The following PEPD variants were observed in gnomAD, a reference collection of about 807,000 sequenced individuals.
PEPD encodes xaa-Pro dipeptidase.
PEPD carries 53 observed loss-of-function variants against 60.7 expected under a neutral mutation model. The observed-to-expected ratio is 0.87, with a 90% CI of 0.70 to 1.10. The LOEUF (loss-of-function observed/expected upper bound fraction) is 1.10. PEPD is among the 50% of genes least tolerant of loss of function. The pLI, the probability that PEPD is intolerant of heterozygous loss-of-function variation, is 0.00. For missense variants in PEPD, 711 were observed against 711.9 expected (o/e 1.00, Z 0.01); for synonymous variants, 267 against 284.1 (o/e 0.94, Z 0.60).
Position 33,452,328 on chromosome 19 carries a change from C to T in PEPD, c.671+10667G>A, listed in dbSNP as rs1284976106. ...AAGGCAGTATTCAAAAATAAACTAG[C>T]CAAAATCTATTTATTACTAAAGAGG... On this transcript the variant is annotated intron_variant, in intron 9 of 14. Coordinates refer to ENST00000244137, the MANE Select transcript of PEPD (RefSeq NM_000285.4). 4.0e-5 allele frequency among the ~76,000 whole-genome samples: 6 copies of T among 151,786 alleles called. No individual in the cohort carries two copies. The East Asian group carries it at 1.2e-3, about 29-fold the overall frequency.
At chr19:33,504,082 A>G (rs1286227206) in intron 3 of PEPD, among the ~76,000 whole-genome samples, 1 of 152,202 alleles carries the variant, frequency 6.6e-6, no homozygotes, top group African/African-American at 2.4e-5. Context: ...TTTTCTGGCA[A>G]CTGTGCATTG....
intron 9 of PEPD, among the ~76,000 whole-genome samples, chr19:33,417,734 C>T (rs1391446692): frequency 6.6e-6 from 1 of 152,188 alleles, no homozygotes; most frequent in Admixed American, 6.5e-5. Flanking sequence ...ATGGGGATCC[C>T]TCCTCAGGCA....
chr19:33,429,071 T>C (rs1454113129), intron 9 of PEPD, among the ~76,000 whole-genome samples: 1 of 152,202 alleles, frequency 6.6e-6, no homozygotes, highest in African/African-American at 2.4e-5. Flanking sequence ...AAGAGGAATA[T>C]GAAATGACAT....
intron 6 of PEPD, among the ~76,000 whole-genome samples, chr19:33,478,615 T>A (rs7248219): frequency 0.42 from 63,716 of 151,882 alleles, 14,178 homozygotes; most frequent in African/African-American, 0.57. Context: ...AATTAGATTA[T>A]TAGCTGATTT....
intron 9 of PEPD, among the ~76,000 whole-genome samples, chr19:33,425,067 GA>G (rs1969111637): frequency 6.6e-6 from 1 of 151,968 alleles, no homozygotes; most frequent in Non-Finnish European, 1.5e-5. Flanking sequence ...ACATGACCAG[GA>G]AACAAAAAGA....
chr19:33,468,174 C>T (rs144977821), intron 7 of PEPD, among the ~76,000 whole-genome samples: 8 of 152,302 alleles, frequency 5.3e-5, no homozygotes, highest in Non-Finnish European at 8.8e-5. Flanking sequence ...AGTCCCTCTG[C>T]ACAAGGCAGA....
At chr19:33,446,629 G>GA (rs1391072390) in intron 9 of PEPD, among the ~76,000 whole-genome samples, 1 of 152,244 alleles carries the variant, frequency 6.6e-6, no homozygotes, top group Non-Finnish European at 1.5e-5. Flanking sequence ...TGTTTGCACA[G>GA]TGCATCCAGG....
intron 12 of PEPD, among the ~76,000 whole-genome samples, chr19:33,392,430 C>T (rs1213703025): frequency 2.0e-5 from 3 of 152,250 alleles, no homozygotes; most frequent in Non-Finnish European, 4.4e-5. Context: ...TTGGCTTGAG[C>T]ACCAGATAAG....
At chr19:33,458,797 T>G (rs1350805605) in intron 9 of PEPD, among the ~76,000 whole-genome samples, 2 of 924 alleles carry the variant, frequency 2.2e-3, no homozygotes, top group East Asian at 0.028. Context: ...GTGTGTGTGG[T>G]ATAGGGCATG....
chr19:33,397,550 G>A (rs1968393944), intron 12 of PEPD, among the ~76,000 whole-genome samples: 1 of 151,992 alleles, frequency 6.6e-6, no homozygotes. Context: ...TCCAGATGGA[G>A]TCCGACTCTG....
intron 1 of PEPD, among the ~76,000 whole-genome samples, chr19:33,517,522 G>A (rs913100885): frequency 2.0e-5 from 3 of 148,626 alleles, no homozygotes; most frequent in East Asian, 2.0e-4. Context: ...TCAAGCCACC[G>A]CACTCCAGCC....
intron 1 of PEPD, among the ~76,000 whole-genome samples, chr19:33,515,723 T>C (rs1004421210): frequency 6.9e-6 from 1 of 145,790 alleles, no homozygotes; most frequent in Non-Finnish European, 1.5e-5. Context: ...CGGCCGAAAA[T>C]GCCCATCCTC....
Position 33,478,065 on chromosome 19 carries a change from G to A in PEPD, c.529C>T (p.His177Tyr). 6.2e-7 allele frequency: 1 copy of A among 1,611,272 alleles called. No individual in the cohort carries two copies. Reference protein sequence around the residue: ...SKFEVNNTILHPEIVECRVFK... With the variant: ...SKFEVNNTILYPEIVECRVFK... ...ACTCACCACTCAACGATCTCTGGGT[G>A]AAGAATGGTATTGTTGACTTCGAAC... is the stretch of plus-strand genomic sequence containing the variant. The change falls in exon 7 of 15, where the codon CAC (histidine) becomes TAC (tyrosine). Residue 177 changes from histidine (H) to tyrosine (Y), a missense_variant. His to Tyr is a moderately conservative substitution (Grantham distance 83). Transcript: ENST00000244137.
intron 9 of PEPD, among the ~76,000 whole-genome samples, chr19:33,417,321 G>A (rs890245335): frequency 1.3e-5 from 2 of 152,170 alleles, no homozygotes; most frequent in Admixed American, 1.3e-4. Context: ...GTGAAAATGC[G>A]CAGAGCTGGT....
rs935314382 is a variant in PEPD, at chr19:33,521,600, G to C, written c.17+144C>G. 52 of 894,036 alleles carry C rather than the reference G, an allele frequency of 5.8e-5. No homozygotes were observed. The East Asian group carries it at 1.4e-3, about 23-fold the overall frequency. The allele number at this position is 894,036 out of a possible 1,614,324, so 55.4% of individuals were successfully genotyped here. ...CTCGGAGCGTGCAGCTCGCCGACCG[G>C]CGCTGGGACTCCGGGCCAACGGGAA... On this transcript the variant is annotated intron_variant, in intron 1 of 14. Transcript: ENST00000244137.
chr19:33,401,684 C>T lies in PEPD; in HGVS notation c.967+37G>A, dbSNP rs758949275. 1.8e-5 allele frequency: 28 copies of T among 1,587,940 alleles called. No homozygotes were observed. The East Asian group carries it at 2.3e-4, about 13-fold the overall frequency. On this transcript the variant is annotated intron_variant, in intron 12 of 14. Coordinates refer to ENST00000244137, the MANE Select transcript of PEPD (RefSeq NM_000285.4). ...CCACATAGCAGCGCCCCCAACGCCA[C>T]GTCAGATGCGCCTCCCCCCACCGAC...
intron 6 of PEPD, among the ~76,000 whole-genome samples, chr19:33,487,955 G>GC (rs1223920456): frequency 1.3e-5 from 2 of 151,898 alleles, no homozygotes; most frequent in African/African-American, 4.8e-5. Flanking sequence ...GAAGCCCAGG[G>GC]CCCCACCTGC....
rs535688413 is a variant in PEPD, at chr19:33,390,123, T to G, written c.1152+1172A>C. ...GCAGGCCTGAAATAAAACAAATGAC[T>G]TTTATAGGAAAAGCCATATTTTTTC... On this transcript the variant is annotated intron_variant, in intron 13 of 14. Coordinates refer to ENST00000244137, the MANE Select transcript of PEPD (RefSeq NM_000285.4). Among the ~76,000 whole-genome samples, 138 of 152,352 alleles carry G rather than the reference T, an allele frequency of 9.1e-4. 1 individual carries two copies. The highest frequency in any genetic ancestry group is 3.7e-3 in the South Asian group (18 of 4,824).
At chr19:33,394,857 C>T (rs1968325258) in intron 12 of PEPD, among the ~76,000 whole-genome samples, 1 of 152,222 alleles carries the variant, frequency 6.6e-6, no homozygotes, top group African/African-American at 2.4e-5. Flanking sequence ...AGCACCAAAC[C>T]TCATTCTGGC....
Sources: gnomAD v4.1 joint callset for allele counts (sites outside exome capture counted in the v4.1 genomes callset) on GRCh38, gnomAD v4.1.1 for gene constraint, MANE v1.5 for transcripts, NCBI Gene and HGNC (gene_info 2026-07-23, HGNC 2026-07-21) for gene names.